STK10: variants seen among roughly 807,000 people sequenced by gnomAD.
STK10 encodes serine/threonine-protein kinase 10.
In STK10, 78 loss-of-function variants were observed where a neutral mutation model predicts 113.8. The ratio of observed to expected loss-of-function variants is 0.69; its 90% confidence interval spans 0.57 to 0.83. The LOEUF (loss-of-function observed/expected upper bound fraction) is 0.83. Among genes scored for constraint, STK10 ranks in the 40% least tolerant of loss-of-function variants. The probability of loss-of-function intolerance (pLI) is 0.00; values close to 1 mark genes in which losing one functional copy is unlikely to be tolerated. For missense variants in STK10, 1,109 were observed against 1,280.1 expected, an observed-to-expected ratio of 0.87 and a Z score of 2.04; for synonymous variants, 465 against 494.7, an observed-to-expected ratio of 0.94 and a Z score of 0.80.
chr5:172,055,312 A>G (rs544656191), intron 16 of STK10, among the ~76,000 whole-genome samples: 28 of 152,008 alleles, frequency 1.8e-4, no homozygotes, highest in East Asian at 1.7e-3. Flanking sequence ...CGATCCTCCC[A>G]CCTCGGCCTT....
chr5:172,048,722 C>A (rs1228146195), intron 18 of STK10, among the ~76,000 whole-genome samples: 1 of 152,184 alleles, frequency 6.6e-6, no homozygotes, highest in Non-Finnish European at 1.5e-5. Flanking sequence ...CCCCTGAGGG[C>A]AGCCAGCGGG....
chr5:172,108,845 C>T (rs1483671579), intron 4 of STK10, among the ~76,000 whole-genome samples: 2 of 151,844 alleles, frequency 1.3e-5, no homozygotes, highest in East Asian at 1.9e-4. Flanking sequence ...AGTGCAGTGG[C>T]GCAATCTTGG....
chr5:172,106,401 CAAAA>C (rs368671444), intron 6 of STK10, among the ~76,000 whole-genome samples: 2 of 53,456 alleles, frequency 3.7e-5, no homozygotes, highest in African/African-American at 1.1e-4. Context: ...GACCCTATCT[CAAAA>C]AAAAAAAAAA....
intron 1 of STK10, among the ~76,000 whole-genome samples, chr5:172,175,892 T>C (rs1440036479): frequency 6.6e-6 from 1 of 152,142 alleles, no homozygotes; most frequent in Non-Finnish European, 1.5e-5. Context: ...TCATCAGGTG[T>C]GGAGTGAGGA....
Position 172,187,920 on chromosome 5 carries a change from C to T in STK10, c.123G>A (p.Glu41=). ...DPNEVWEIVG[E]LGDGAFGKVY... is the part of the protein sequence containing the mutation. ...CCTTGCCGAAGGCGCCGTCGCCCAGCTCGCCCACGATCTCCCACACCTCGT... is the reference window on the plus strand; with the variant it reads ...CCTTGCCGAAGGCGCCGTCGCCCAGTTCGCCCACGATCTCCCACACCTCGT... Residue 41 remains glutamate (E), a synonymous_variant, in exon 1 of 19, where the codon GAG becomes GAA. Transcript: ENST00000176763. This position sits in a 1 kb window ranked among gnomAD's most constrained non-coding sequence, Gnocchi z 4.6. 1 of 1,613,376 alleles carries T rather than the reference C, an allele frequency of 6.2e-7. No homozygotes were observed. Among genetic ancestry groups the T allele is most frequent in the East Asian group, 2.2e-5 (1 of 44,850 alleles).
In STK10 at chr5:172,093,192, C is replaced by T. The variant is rs1379397646; in HGVS notation, c.1554+220G>A. On this transcript the variant is annotated intron_variant, in intron 9 of 18. Transcript: ENST00000176763. The surrounding 1 kb of genome is among the most constrained non-coding windows in gnomAD (Gnocchi z 4.1). ...TCCCAAATTTTACCAGGGCCTTTTA[C>T]CAAGCTTTGAAATTTAAACCCAAAC... Among the ~76,000 whole-genome samples, 1 of 152,206 alleles carries T rather than the reference C, an allele frequency of 6.6e-6. No individual in the cohort carries two copies. Among genetic ancestry groups the T allele is most frequent in the Non-Finnish European group, 1.5e-5 (1 of 68,036 alleles).
chr5:172,105,741 G>A lies in STK10; in HGVS notation c.789-4C>T. 1 of 1,613,780 alleles carries A rather than the reference G, an allele frequency of 6.2e-7. No individual in the cohort carries two copies. Among genetic ancestry groups the A allele is most frequent in the Non-Finnish European group, 8.5e-7 (1 of 1,179,990 alleles). ...GAAGTCACGGAACTCTACAGACCTGGGAGGACAGGCGTCAGAGGTAAGCAT... is the reference window on the plus strand; with the variant it reads ...GAAGTCACGGAACTCTACAGACCTGAGAGGACAGGCGTCAGAGGTAAGCAT... On this transcript the variant is annotated splice_polypyrimidine_tract_variant and splice_region_variant and intron_variant, in intron 6 of 18. Coordinates refer to ENST00000176763, the MANE Select transcript of STK10 (RefSeq NM_005990.4).
chr5:172,146,586 G>C (rs748406547), intron 2 of STK10, among the ~76,000 whole-genome samples: 13 of 152,216 alleles, frequency 8.5e-5, no homozygotes, highest in Non-Finnish European at 7.4e-5. Context: ...GGCCGGGGCA[G>C]GACAAACCAG....
chr5:172,092,878 T>G (rs1768750384), intron 9 of STK10: 1 of 152,858 alleles, frequency 6.5e-6, no homozygotes, highest in East Asian at 1.9e-4. Flanking sequence ...GGCCCTGGGC[T>G]GGCTCCTCAC....
chr5:172,107,674 C>T (rs1337345077), intron 5 of STK10, 106 bp downstream of exon 5: 12 of 1,097,616 alleles, frequency 1.1e-5, no homozygotes, highest in South Asian at 8.8e-5. Flanking sequence ...CGAGGCAGGG[C>T]GTGTAGCCCT....
At chr5:172,080,690 C>T (rs1306373643) in intron 12 of STK10, among the ~76,000 whole-genome samples, 2 of 152,320 alleles carry the variant, frequency 1.3e-5, no homozygotes, top group African/African-American at 4.8e-5. Context: ...GGTGAGGAAG[C>T]TGAGGAAGAA....
chr5:172,116,375 C>G (rs1009656423), intron 4 of STK10, among the ~76,000 whole-genome samples: 2 of 152,082 alleles, frequency 1.3e-5, no homozygotes, highest in Admixed American at 1.3e-4. Flanking sequence ...AGCCACCATG[C>G]CTGGCCGAAA....
At chr5:172,126,195 T>A (rs1769615296) in intron 3 of STK10, among the ~76,000 whole-genome samples, 1 of 152,328 alleles carries the variant, frequency 6.6e-6, no homozygotes, top group South Asian at 2.1e-4. Flanking sequence ...CCATGGTCCA[T>A]GGTTAGGAGC....
intron 2 of STK10, among the ~76,000 whole-genome samples, chr5:172,145,018 A>C (rs927481304): frequency 6.6e-6 from 1 of 152,126 alleles, no homozygotes; most frequent in Non-Finnish European, 1.5e-5. Context: ...TCTGGGGTCA[A>C]AGTCCCCTGA....
Position 172,061,241 on chromosome 5 carries a change from CCTT to C in STK10, c.2107_2109del (p.Lys703del). ...CTCTTCATGGCCAGCTCCAGGTCCT[CCTT>C]CTGCTTGGCTACAAAGTCCCGGTCC... On this transcript the variant is annotated inframe_deletion, in exon 14 of 19. Transcript: ENST00000176763. 6.2e-7 allele frequency: 1 copy of C among 1,613,224 alleles called. No individual in the cohort carries two copies.
intron 6 of STK10, 76 bp from the exon 7 acceptor site, chr5:172,105,813 T>C: frequency 7.6e-7 from 1 of 1,318,524 alleles, no homozygotes; most frequent in Non-Finnish European, 1.1e-6. Flanking sequence ...CAGACTCCAC[T>C]GTCCCAATCA....
chr5:172,052,443 G>A (rs1396744891), intron 18 of STK10, among the ~76,000 whole-genome samples: 3 of 152,214 alleles, frequency 2.0e-5, no homozygotes, highest in Admixed American at 6.5e-5. Flanking sequence ...AGAACCCAGA[G>A]AGCCCACCCA....
chr5:172,117,601 T>G lies in STK10; in HGVS notation c.400A>C (p.Ile134Leu). 1.2e-6 allele frequency: 2 copies of G among 1,614,000 alleles called. No homozygotes were observed. The highest frequency in any genetic ancestry group is 1.7e-6 in the Non-Finnish European group (2 of 1,180,014). Residue 134 changes from isoleucine (I) to leucine (L), a missense_variant, in exon 4 of 19, where the codon ATA (isoleucine) becomes CTA (leucine). Ile to Leu is a conservative substitution (Grantham distance 5). Around this residue, in one of 5 missense-constraint regions of STK10, gnomAD observed 120 missense variants for 134.8 expected, o/e 0.89. Coordinates refer to ENST00000176763, the MANE Select transcript of STK10 (RefSeq NM_005990.4). ...AGCATCTGGCGGCAAACCACCTGTA[T>G]CTGGGGCTCCGTGAGGCCTCTGTCC... ...ELDRGLTEPQ[I>L]QVVCRQMLEA...
rs571954140 is a variant in STK10, at chr5:172,055,475, C to T, written c.2526+113G>A. 90 of 1,129,906 alleles carry T rather than the reference C, an allele frequency of 8.0e-5. No individual in the cohort carries two copies. The African/African-American group carries it at 1.4e-3, about 17-fold the overall frequency. The allele number at this position is 1,129,906 out of a possible 1,614,324, so 70.0% of individuals were successfully genotyped here. A position where few individuals can be genotyped will look rare whatever the true frequency, so the allele number is the denominator to read the frequency against. ...AAAGTGTTGGGATTACAGACGTGAG[C>T]CAGCCTGCATCTTGTTTCATATTCT... On this transcript the variant is annotated intron_variant, in intron 16 of 18. Transcript: ENST00000176763.
Sources: gnomAD v4.1 joint callset for allele counts (sites outside exome capture counted in the v4.1 genomes callset) on GRCh38, gnomAD v4.1.1 for gene constraint, gnomAD v4.1.1 regional missense constraint, Gnocchi (gnomAD v3.1) non-coding constraint, MANE v1.5 for transcripts, NCBI Gene and HGNC (gene_info 2026-07-23, HGNC 2026-07-21) for gene names.